The following ERBB4 variants were observed in gnomAD, a reference collection of about 807,000 sequenced individuals.
ERBB4 encodes the protein receptor tyrosine-protein kinase erbB-4.
Under a neutral mutation model 158.0 loss-of-function variants are expected in ERBB4, and 42 were observed. The observed-to-expected ratio is 0.27, with a 90% CI of 0.21 to 0.34. ERBB4 has a LOEUF of 0.34. Among genes scored for constraint, ERBB4 ranks in the 10% least tolerant of loss-of-function variants. The pLI, the probability that ERBB4 is intolerant of heterozygous loss-of-function variation, is 1.00. For missense variants in ERBB4, 1,333 were observed against 1,624.1 expected (o/e 0.82, Z 3.08); for synonymous variants, 583 against 558.7 (o/e 1.04, Z -0.61).
At chr2:211,604,241 T>G (rs1038551022) in intron 19 of ERBB4, among the ~76,000 whole-genome samples, 3 of 152,184 alleles carry the variant, frequency 2.0e-5, no homozygotes, top group African/African-American at 7.2e-5. Flanking sequence ...AGACTCAGCT[T>G]ATATAAACAT....
intron 3 of ERBB4, among the ~76,000 whole-genome samples, chr2:211,884,716 C>T (rs1173223106): frequency 6.6e-6 from 1 of 152,120 alleles, no homozygotes; most frequent in Non-Finnish European, 1.5e-5. Context: ...CCCATCTGTC[C>T]AATTTCATCA....
intron 2 of ERBB4, among the ~76,000 whole-genome samples, chr2:211,965,545 A>C (rs1201192225): frequency 6.6e-6 from 1 of 152,178 alleles, no homozygotes; most frequent in African/African-American, 2.4e-5. Flanking sequence ...GTACAAGTAA[A>C]CCAACTAAAA....
intron 16 of ERBB4, among the ~76,000 whole-genome samples, chr2:211,639,586 T>G (rs904726538): frequency 1.3e-5 from 2 of 152,190 alleles, no homozygotes; most frequent in African/African-American, 4.8e-5. Flanking sequence ...AGATAATTAG[T>G]TGTTAACAGA....
chr2:212,003,322 T>TA (rs71054161), intron 2 of ERBB4, among the ~76,000 whole-genome samples: 21,738 of 130,112 alleles, frequency 0.17, 2,322 homozygotes, highest in East Asian at 0.33. Context: ...AGCTGAATGG[T>TA]AAAAAAAAAA....
chr2:212,087,248 A>G (rs2078643710), intron 2 of ERBB4, among the ~76,000 whole-genome samples: 2 of 151,354 alleles, frequency 1.3e-5, no homozygotes, highest in South Asian at 4.2e-4. Context: ...TGAGTATGCA[A>G]CATTTTTCCT....
At chr2:212,126,515 T>C (rs926880927) in intron 1 of ERBB4, among the ~76,000 whole-genome samples, 3 of 151,406 alleles carry the variant, frequency 2.0e-5, no homozygotes, top group African/African-American at 7.3e-5. Context: ...GCCAGATTTT[T>C]AGATACTATT....
At chr2:211,941,315 A>C (rs2080488761) in intron 3 of ERBB4, among the ~76,000 whole-genome samples, 1 of 151,834 alleles carries the variant, frequency 6.6e-6, no homozygotes, top group African/African-American at 2.4e-5. Flanking sequence ...TTCTAATGTA[A>C]ATGTTTGTAG....
intron 3 of ERBB4, among the ~76,000 whole-genome samples, chr2:211,923,759 G>A (rs2079937881): frequency 6.6e-6 from 1 of 151,966 alleles, no homozygotes; most frequent in Non-Finnish European, 1.5e-5. Context: ...TTTTGCTCTT[G>A]TTGCTGAGAC....
chr2:211,530,621 C>T (rs985322464), intron 20 of ERBB4, among the ~76,000 whole-genome samples: 19 of 152,042 alleles, frequency 1.2e-4, no homozygotes, highest in African/African-American at 4.1e-4. Flanking sequence ...CAGGCAGAGT[C>T]GTTCACACCT....
intron 1 of ERBB4, among the ~76,000 whole-genome samples, chr2:212,356,318 T>C (rs1453992752): frequency 1.1e-5 from 1 of 87,736 alleles, no homozygotes; most frequent in East Asian, 2.0e-4. Context: ...AATCAAGTTG[T>C]ACACACTTCC....
At chr2:212,103,424 G>A (rs1283211070) in intron 2 of ERBB4, among the ~76,000 whole-genome samples, 1 of 151,980 alleles carries the variant, frequency 6.6e-6, no homozygotes, top group African/African-American at 2.4e-5. Flanking sequence ...TGATTTTAAT[G>A]CAATATAACC....
intron 2 of ERBB4, among the ~76,000 whole-genome samples, chr2:211,967,657 G>C (rs1161517444): frequency 6.6e-6 from 1 of 151,878 alleles, no homozygotes; most frequent in Non-Finnish European, 1.5e-5. Flanking sequence ...TATATATGCA[G>C]GTTATTTTGA....
At chr2:212,011,793 C>A (rs1379696227) in intron 2 of ERBB4, among the ~76,000 whole-genome samples, 3 of 151,408 alleles carry the variant, frequency 2.0e-5, no homozygotes, top group East Asian at 1.9e-4. Context: ...GTGATGTGAA[C>A]TTCCTTCAGA....
intron 20 of ERBB4, among the ~76,000 whole-genome samples, chr2:211,545,200 G>A (rs1393893927): frequency 3.3e-5 from 5 of 151,968 alleles, no homozygotes; most frequent in African/African-American, 7.2e-5. Flanking sequence ...ATGGCTAGAC[G>A]CTTAACATTT....
At chr2:211,658,083 C>A (rs1387132117) in intron 15 of ERBB4, 3 of 926,944 alleles carry the variant, frequency 3.2e-6, no homozygotes, top group Non-Finnish European at 4.9e-6. Context: ...GTCTCGAATT[C>A]TTATAACTAT....
intron 1 of ERBB4, among the ~76,000 whole-genome samples, chr2:212,432,041 A>G (rs1160785969): frequency 1.3e-5 from 2 of 152,170 alleles, no homozygotes; most frequent in Admixed American, 6.6e-5. Flanking sequence ...TTGTTTTCCA[A>G]TGATTAGAGC....
chr2:211,387,042 T>G lies in ERBB4; in HGVS notation c.3292A>C (p.Thr1098Pro), dbSNP rs1278487985. ...CAGGAGTCATCAAAAATCTCAGCAG[T>G]AGCACCCTGTGCCACAGGAGCTTCT... Reference protein sequence around the residue: ...IPEAPVAQGATAEIFDDSCCN... With the variant: ...IPEAPVAQGAPAEIFDDSCCN... The change falls in exon 27 of 28, where the codon ACT becomes CCT. Residue 1098 changes from threonine to proline, a missense_variant. Thr to Pro is a conservative substitution (Grantham distance 38). Coordinates refer to ENST00000342788, the MANE Select transcript of ERBB4 (RefSeq NM_005235.3). The G allele has an allele frequency of 8.7e-6, 14 of 1,613,888 alleles. No individual in the cohort carries two copies. In the African/African-American group the frequency reaches 1.9e-4, roughly 22 times the overall value.
At chr2:211,591,139 A>T (rs2125792038) in intron 19 of ERBB4, among the ~76,000 whole-genome samples, 1 of 152,332 alleles carries the variant, frequency 6.6e-6, no homozygotes, top group South Asian at 2.1e-4. Flanking sequence ...TTTATCATAC[A>T]TATAACTGCA....
intron 1 of ERBB4, among the ~76,000 whole-genome samples, chr2:212,338,324 GT>G (rs1312541150): frequency 6.6e-6 from 1 of 152,066 alleles, no homozygotes; most frequent in Non-Finnish European, 1.5e-5. Flanking sequence ...GTGGCAGTAA[GT>G]TTTTTCCCAA....
Sources: gnomAD v4.1 joint callset for allele counts (sites outside exome capture counted in the v4.1 genomes callset) on GRCh38, gnomAD v4.1.1 for gene constraint, MANE v1.5 for transcripts, NCBI Gene and HGNC (gene_info 2026-07-23, HGNC 2026-07-21) for gene names.